CD244: variants seen among roughly 807,000 people sequenced by gnomAD.
CD244 encodes CD244 molecule, also known as natural killer cell receptor 2B4.
A neutral mutation model predicts 45.5 loss-of-function variants in CD244; 20 were observed. That is an observed-to-expected ratio of 0.44 (90% CI 0.31 to 0.64). CD244 has a LOEUF of 0.64. CD244 is among the 30% of genes least tolerant of loss of function. The pLI is 0.08. For missense variants in CD244, 407 were observed against 426.9 expected, an observed-to-expected ratio of 0.95 and a Z score of 0.41; for synonymous variants, 185 against 160.5, an observed-to-expected ratio of 1.15 and a Z score of -1.15.
chr1:160,850,181 TACAA>T (rs1669872398), intron 1 of CD244, among the ~76,000 whole-genome samples: 1 of 152,066 alleles, frequency 6.6e-6, no homozygotes, highest in Non-Finnish European at 1.5e-5. Flanking sequence ...TATATATTAG[TACAA>T]ACAGATAAAA....
At chr1:160,862,486 G>A (rs1557848710) in intron 1 of CD244, 131 bp downstream of exon 1, 4 of 735,166 alleles carry the variant, frequency 5.4e-6, no homozygotes, top group African/African-American at 5.2e-5. Flanking sequence ...TGTCAGAGCT[G>A]TCAGGAGCTG....
intron 3 of CD244, among the ~76,000 whole-genome samples, chr1:160,840,475 C>T (rs1381578798): frequency 6.6e-6 from 1 of 151,956 alleles, no homozygotes; most frequent in Non-Finnish European, 1.5e-5. Flanking sequence ...GTTGGCCAGG[C>T]TGGTCTCAAA....
intron 1 of CD244, among the ~76,000 whole-genome samples, chr1:160,849,283 CTTTTT>C (rs371170555): frequency 1.4e-5 from 2 of 139,330 alleles, no homozygotes; most frequent in South Asian, 4.6e-4. Context: ...CCATCTCTTT[CTTTTT>C]TTTTTTTTTG....
chr1:160,839,845 T>G (rs1022494340), intron 3 of CD244, among the ~76,000 whole-genome samples: 3 of 152,216 alleles, frequency 2.0e-5, no homozygotes, highest in Admixed American at 2.0e-4. Context: ...ACAGGCAAGT[T>G]TTCCGTCTCA....
intron 4 of CD244, 115 bp from the exon 5 acceptor site, chr1:160,838,633 G>T: frequency 1.3e-6 from 1 of 793,654 alleles, no homozygotes. Flanking sequence ...GTTCTAGAAA[G>T]GAGGCAAGTT....
chr1:160,846,156 G>A (rs1420153762), intron 1 of CD244, among the ~76,000 whole-genome samples: 1 of 151,806 alleles, frequency 6.6e-6, no homozygotes, highest in Non-Finnish European at 1.5e-5. Context: ...CCCATCACCC[G>A]AGCAGTATAC....
intron 1 of CD244, among the ~76,000 whole-genome samples, chr1:160,861,328 T>TGCCACATACACA (rs1670295094): frequency 6.6e-6 from 1 of 152,192 alleles, no homozygotes; most frequent in Non-Finnish European, 1.5e-5. Context: ...GCCTTGACTG[T>TGCCACATACACA]GTCTTCCTGA....
intron 1 of CD244, among the ~76,000 whole-genome samples, chr1:160,855,325 T>C (rs1252620318): frequency 6.6e-6 from 1 of 152,116 alleles, no homozygotes; most frequent in African/African-American, 2.4e-5. Flanking sequence ...AGATTACGAA[T>C]CTGTAGCTGC....
chr1:160,848,369 TG>T, intron 1 of CD244: 1 of 569,292 alleles, frequency 1.8e-6, no homozygotes. Context: ...CGAGACTGAA[TG>T]GATGGATGGC....
At chr1:160,842,599 C>A (rs1400013232) in intron 1 of CD244, among the ~76,000 whole-genome samples, 3 of 152,100 alleles carry the variant, frequency 2.0e-5, no homozygotes, top group South Asian at 2.1e-4. Context: ...GAACTCATGG[C>A]CCCTCAACCA....
chr1:160,831,483 T>C, intron 8 of CD244, 56 bp from the exon 9 acceptor site: 2 of 1,208,870 alleles, frequency 1.7e-6, no homozygotes, highest in South Asian at 2.5e-5. Flanking sequence ...CTTATCACAA[T>C]CCTGTGAGGT....
At chr1:160,848,410 G>A (rs1669809166) in intron 1 of CD244, 1 of 555,944 alleles carries the variant, frequency 1.8e-6, no homozygotes, top group South Asian at 1.4e-5. Flanking sequence ...AGTTGAAAGG[G>A]GGCATGAATA....
At position 160,834,966 on chromosome 1, in the gene CD244, A is replaced by G. The variant is rs1045770246; in HGVS notation, c.895-850T>C. 3.3e-5 allele frequency among the ~76,000 whole-genome samples: 5 copies of G among 152,340 alleles called. No homozygotes were observed. In the East Asian group the frequency reaches 9.6e-4, roughly 29 times the overall value. ...TTGAGGGGACCTCTTTCTTGCACTG[A>G]TAGAAATTCCTCTCATTGGAGTTCA... is the stretch of plus-strand genomic sequence containing the variant. On this transcript the variant is annotated intron_variant, in intron 6 of 8. Coordinates refer to ENST00000368034, the MANE Select transcript of CD244 (RefSeq NM_016382.4).
rs375811422 is a variant in CD244, at chr1:160,836,296, G to A, written c.835-42C>T. 5.1e-5 allele frequency: 77 copies of A among 1,502,978 alleles called. 1 individual carries two copies. Among genetic ancestry groups the A allele is most frequent in the African/African-American group, 8.2e-5 (6 of 72,884 alleles). 93.1% of individuals were successfully genotyped at this position (1,502,978 alleles called of 1,614,324 possible). ...GATGGGGTAACATGAGCGACAGTTC[G>A]GTCTGTCCAGATTTAGATTGAGTGG... On this transcript the variant is annotated intron_variant, in intron 5 of 8. Transcript: ENST00000368034.
chr1:160,848,508 A>T, intron 1 of CD244: 2 of 476,086 alleles, frequency 4.2e-6, no homozygotes, highest in Non-Finnish European at 8.1e-6. Flanking sequence ...CTCTAATCTG[A>T]TATAAATCAA....
chr1:160,831,254 A>G lies in CD244; in HGVS notation c.*93T>C. 1 of 855,552 alleles carries G rather than the reference A, an allele frequency of 1.2e-6. No individual in the cohort carries two copies. 53.0% of individuals were successfully genotyped at this position (855,552 alleles called of 1,614,324 possible). On this transcript the variant is annotated 3_prime_UTR_variant, in exon 9 of 9. Transcript: ENST00000368034. ...ATTTCCATATCCTCTCCAGACTAGG[A>G]ACTGTTCTATAGAGACTCCTGTGCC...
intron 5 of CD244, 43 bp from the exon 6 acceptor site, chr1:160,836,297 G>T (rs1170644409): frequency 4.0e-6 from 6 of 1,504,306 alleles, no homozygotes; most frequent in African/African-American, 2.7e-5. Context: ...CGACAGTTCG[G>T]TCTGTCCAGA....
Position 160,862,708 on chromosome 1 carries a change from C to T in CD244, c.-31G>A, listed in dbSNP as rs749382682. The stretch of plus-strand genomic sequence containing the variant: ...CAGGACAGAGGGGCCAGGCCAGCCC[C>T]TCCACCCCACCAGACTCTCTGCCGT... On this transcript the variant is annotated 5_prime_UTR_variant, in exon 1 of 9. Coordinates refer to ENST00000368034, the MANE Select transcript of CD244 (RefSeq NM_016382.4). 6.2e-7 allele frequency: 1 copy of T among 1,607,576 alleles called. No homozygotes were observed. The highest frequency in any genetic ancestry group is 1.1e-5 in the South Asian group (1 of 90,646).
intron 6 of CD244, 56 bp downstream of exon 6, chr1:160,836,139 G>T: frequency 1.6e-6 from 2 of 1,283,998 alleles, no homozygotes; most frequent in Non-Finnish European, 2.3e-6. Flanking sequence ...TTTCAGGGGG[G>T]CATTAGGAAA....
Sources: gnomAD v4.1 joint callset for allele counts (sites outside exome capture counted in the v4.1 genomes callset) on GRCh38, gnomAD v4.1.1 for gene constraint, MANE v1.5 for transcripts, NCBI Gene and HGNC (gene_info 2026-07-23, HGNC 2026-07-21) for gene names.